The following TBL1XR1 variants were observed in gnomAD, a reference collection of about 807,000 sequenced individuals.
TBL1XR1 encodes the protein TBL1X/Y related 1.
Under a neutral mutation model 66.9 loss-of-function variants are expected in TBL1XR1, and 5 were observed. That is an observed-to-expected ratio of 0.07 (90% CI 0.04 to 0.16). The LOEUF is 0.16. Among genes scored for constraint, TBL1XR1 ranks in the 10% least tolerant of loss-of-function variants. TBL1XR1 has a pLI of 1.00. For missense variants in TBL1XR1, 238 were observed against 623.2 expected, an observed-to-expected ratio of 0.38 and a Z score of 6.58; for synonymous variants, 210 against 206.0, an observed-to-expected ratio of 1.02 and a Z score of -0.17.
At chr3:177,148,692 A>G (rs1036234747) in intron 1 of TBL1XR1, among the ~76,000 whole-genome samples, 7 of 151,680 alleles carry the variant, frequency 4.6e-5, no homozygotes, top group African/African-American at 7.3e-5. Context: ...GAGCAACAGA[A>G]TAAGACTCGA....
chr3:177,032,770 A>C, intron 14 of TBL1XR1: 1 of 417,544 alleles, frequency 2.4e-6, no homozygotes, highest in East Asian at 3.6e-5. Context: ...ATAATAAATA[A>C]TAAAACAAAT....
chr3:177,059,696 C>A (rs1178148559), intron 3 of TBL1XR1, among the ~76,000 whole-genome samples: 1 of 152,142 alleles, frequency 6.6e-6, no homozygotes, highest in Non-Finnish European at 1.5e-5. Context: ...TCTTATATAT[C>A]ATCCTGGTTA....
chr3:177,035,399 T>C (rs966027411), intron 12 of TBL1XR1, among the ~76,000 whole-genome samples: 1 of 150,580 alleles, frequency 6.6e-6, no homozygotes, highest in African/African-American at 2.5e-5. Flanking sequence ...CTACACAGTT[T>C]TGTCCCTGCC....
At chr3:177,030,394 G>A (rs1202552442) in intron 14 of TBL1XR1, among the ~76,000 whole-genome samples, 1 of 151,886 alleles carries the variant, frequency 6.6e-6, no homozygotes, top group South Asian at 2.1e-4. Flanking sequence ...TTTCAAAGAA[G>A]TGGTAAAAAA....
intron 1 of TBL1XR1, among the ~76,000 whole-genome samples, chr3:177,176,265 G>C (rs924022134): frequency 2.0e-5 from 3 of 151,358 alleles, no homozygotes; most frequent in Non-Finnish European, 4.4e-5. Flanking sequence ...TGCGATCTCG[G>C]CTCACTGCAA....
intron 1 of TBL1XR1, among the ~76,000 whole-genome samples, chr3:177,112,103 A>AT (rs1347968605): frequency 1.4e-3 from 64 of 46,920 alleles, no homozygotes; most frequent in Non-Finnish European, 1.8e-3. Context: ...ATATATATAT[A>AT]TATATTTTTT....
intron 1 of TBL1XR1, among the ~76,000 whole-genome samples, chr3:177,150,924 A>G (rs1037077195): frequency 1.3e-5 from 2 of 152,232 alleles, no homozygotes; most frequent in East Asian, 3.8e-4. Flanking sequence ...ATCGGACCTC[A>G]CTGTATTGGA....
intron 5 of TBL1XR1, among the ~76,000 whole-genome samples, 171 bp downstream of exon 5, chr3:177,051,333 T>A (rs1190435384): frequency 6.6e-6 from 1 of 151,962 alleles, no homozygotes; most frequent in Non-Finnish European, 1.5e-5. Context: ...TCAGAAAAAA[T>A]AACTATTGGG....
upstream of TBL1XR1, among the ~76,000 whole-genome samples, chr3:177,200,939 G>A (rs779688297): frequency 1.3e-5 from 2 of 151,976 alleles, no homozygotes; most frequent in South Asian, 2.1e-4. Context: ...CCCTGGAGGC[G>A]GAGGTTGCAG....
intron 1 of TBL1XR1, chr3:177,099,315 CG>C (rs1723898345): frequency 6.6e-6 from 1 of 152,158 alleles, no homozygotes; most frequent in South Asian, 2.1e-4. Context: ...TGCAGTGAGC[CG>C]AGACCGCACC....
At chr3:177,051,022 T>C (rs997474507) in intron 5 of TBL1XR1, among the ~76,000 whole-genome samples, 1 of 152,186 alleles carries the variant, frequency 6.6e-6, no homozygotes, top group African/African-American at 2.4e-5. Flanking sequence ...TATTTGTTGA[T>C]AACTAGTATT....
intron 1 of TBL1XR1, among the ~76,000 whole-genome samples, chr3:177,145,193 G>A (rs560356849): frequency 5.3e-5 from 8 of 152,220 alleles, no homozygotes; most frequent in African/African-American, 1.9e-4. Flanking sequence ...ATAATCCTAT[G>A]TGATCTACAC....
chr3:177,022,575 CCTTT>C lies in TBL1XR1; in HGVS notation c.*2919_*2922del, dbSNP rs1470251808. 1.3e-5 allele frequency: 2 copies of C among 152,484 alleles called. No individual in the cohort carries two copies. The highest frequency in any genetic ancestry group is 2.9e-5 in the Non-Finnish European group (2 of 67,956). The allele number at this position is 152,484 out of a possible 1,614,324, so 9.4% of individuals were successfully genotyped here. A position where few individuals can be genotyped will look rare whatever the true frequency, so the allele number is the denominator to read the frequency against. On this transcript the variant is annotated 3_prime_UTR_variant, in exon 16 of 16. Transcript: ENST00000457928. ...ATCAATGAGTATTGATTCAAGTTTT[CCTTT>C]CTATTTTTCCTTATGATAAGTTTCT...
upstream of TBL1XR1, among the ~76,000 whole-genome samples, chr3:177,198,476 G>A (rs1205196035): frequency 1.3e-5 from 2 of 152,208 alleles, no homozygotes; most frequent in Admixed American, 6.5e-5. Flanking sequence ...GCACAGCAAG[G>A]CGGTTTATAA....
chr3:177,077,694 A>G (rs1720861358), intron 2 of TBL1XR1, among the ~76,000 whole-genome samples: 4 of 151,928 alleles, frequency 2.6e-5, no homozygotes, highest in Admixed American at 2.6e-4. Context: ...ACAAATTTCC[A>G]CTTTTCTGCT....
intron 1 of TBL1XR1, among the ~76,000 whole-genome samples, chr3:177,147,047 CTTTTT>C (rs559312015): frequency 3.5e-5 from 5 of 140,944 alleles, no homozygotes; most frequent in Admixed American, 1.4e-4. Context: ...ATTCCTAAGA[CTTTTT>C]TTTTTTTTTT....
intron 1 of TBL1XR1, among the ~76,000 whole-genome samples, chr3:177,101,355 A>C (rs908704018): frequency 2.0e-5 from 3 of 152,306 alleles, no homozygotes; most frequent in African/African-American, 7.2e-5. Flanking sequence ...CTGGGTAATA[A>C]AATCTACAAA....
intron 1 of TBL1XR1, among the ~76,000 whole-genome samples, chr3:177,149,989 G>A (rs1168914188): frequency 1.3e-5 from 2 of 152,080 alleles, no homozygotes; most frequent in Non-Finnish European, 2.9e-5. Flanking sequence ...TAATATATTT[G>A]TTATCCCAGA....
rs1240757311 is a variant in TBL1XR1, at chr3:177,135,292, G to A, written c.-121-36751C>T. Among the ~76,000 whole-genome samples the A allele has an allele frequency of 4.6e-4, 48 of 105,026 alleles. No individual in the cohort carries two copies. The East Asian group carries it at 7.8e-3, about 17-fold the overall frequency. 68.9% of individuals were successfully genotyped at this position (105,026 alleles called of 152,430 possible). ...GCTGGGATTACAGGTGTGAGCCACC[G>A]CACAAGGCCGCACTCTGTGTGTGTG... On this transcript the variant is annotated intron_variant, in intron 1 of 15. Transcript: ENST00000457928.
Sources: allele counts gnomAD v4.1 joint callset (sites outside exome capture counted in the v4.1 genomes callset), GRCh38; gene constraint gnomAD v4.1.1; transcripts MANE v1.5; gene names NCBI Gene and HGNC (gene_info 2026-07-23, HGNC 2026-07-21).